CDH12: variants seen among roughly 807,000 people sequenced by gnomAD.
CDH12 encodes the protein cadherin 12, also known as cadherin-12.
In CDH12, 41 loss-of-function variants were observed where a neutral mutation model predicts 74.1. The ratio of observed to expected loss-of-function variants is 0.55; its 90% CI spans 0.43 to 0.72. The LOEUF is 0.72. Ranked by LOEUF, CDH12 falls within the 30% of genes least tolerant of loss-of-function variation. The probability of loss-of-function intolerance (pLI) is 0.00; values close to 1 mark genes in which losing one functional copy is unlikely to be tolerated. For missense variants in CDH12, 945 were observed against 977.2 expected, an observed-to-expected ratio of 0.97 and a Z score of 0.44; for synonymous variants, 399 against 355.0, an observed-to-expected ratio of 1.12 and a Z score of -1.39.
At chr5:22,573,354 AGT>A (rs910294691) in intron 1 of CDH12, among the ~76,000 whole-genome samples, 5 of 152,148 alleles carry the variant, frequency 3.3e-5, no homozygotes, top group African/African-American at 1.2e-4. Flanking sequence ...GTAAAACTTG[AGT>A]GTTGTGAGTT....
chr5:21,858,893 C>T (rs6878526), intron 6 of CDH12, among the ~76,000 whole-genome samples: 15,488 of 151,770 alleles, frequency 0.1, 1,461 homozygotes, highest in African/African-American at 0.26. Context: ...GTATAGAGCA[C>T]GTTTTGAAAT....
chr5:22,745,886 G>T (rs1028199318), intron 1 of CDH12, among the ~76,000 whole-genome samples: 1 of 151,872 alleles, frequency 6.6e-6, no homozygotes, highest in Non-Finnish European at 1.5e-5. Context: ...CTATGTAAAA[G>T]GCCTGCACGT....
At chr5:22,478,245 C>G (rs1746246902) in intron 2 of CDH12, among the ~76,000 whole-genome samples, 1 of 151,570 alleles carries the variant, frequency 6.6e-6, no homozygotes, top group South Asian at 2.1e-4. Flanking sequence ...CGTGAAACTC[C>G]GTCTCTACTA....
At chr5:22,410,333 C>T (rs968101141) in intron 2 of CDH12, among the ~76,000 whole-genome samples, 1 of 152,096 alleles carries the variant, frequency 6.6e-6, no homozygotes, top group Admixed American at 6.6e-5. Context: ...TGTGTAAAAA[C>T]TGGCCATAAA....
intron 5 of CDH12, among the ~76,000 whole-genome samples, chr5:22,066,475 C>T (rs890978705): frequency 7.2e-5 from 11 of 152,140 alleles, no homozygotes; most frequent in African/African-American, 2.7e-4. Context: ...TGCCAGTTAG[C>T]ATAAAGACTT....
intron 10 of CDH12, among the ~76,000 whole-genome samples, chr5:21,798,707 C>A (rs368059575): frequency 7.9e-5 from 12 of 152,092 alleles, no homozygotes; most frequent in African/African-American, 2.9e-4. Flanking sequence ...GATACAAAGA[C>A]ATGACTTTCT....
At chr5:22,724,765 G>T (rs1213337691) in intron 1 of CDH12, among the ~76,000 whole-genome samples, 8 of 151,708 alleles carry the variant, frequency 5.3e-5, no homozygotes, top group Non-Finnish European at 1.0e-4. Flanking sequence ...TATTATAACT[G>T]ATCTAATAAT....
chr5:21,889,421 C>A (rs1752795178), intron 6 of CDH12, among the ~76,000 whole-genome samples: 1 of 152,090 alleles, frequency 6.6e-6, no homozygotes, highest in South Asian at 2.1e-4. Context: ...CCTGTCACTG[C>A]CAGTTTTAGC....
intron 4 of CDH12, among the ~76,000 whole-genome samples, chr5:22,096,011 C>A (rs571780274): frequency 1.3e-5 from 2 of 151,794 alleles, no homozygotes; most frequent in Admixed American, 6.6e-5. Flanking sequence ...CCCTTTCCTG[C>A]TTTTCTGGAG....
At chr5:22,736,715 AACAC>A (rs570215184) in intron 1 of CDH12, among the ~76,000 whole-genome samples, 3 of 150,784 alleles carry the variant, frequency 2.0e-5, no homozygotes, top group Non-Finnish European at 4.4e-5. Flanking sequence ...TGAAAGTTTA[AACAC>A]ACACACACAC....
At chr5:22,284,131 TTC>T (rs749219113) in intron 3 of CDH12, among the ~76,000 whole-genome samples, 2 of 152,180 alleles carry the variant, frequency 1.3e-5, no homozygotes, top group Admixed American at 6.5e-5. Flanking sequence ...TATAAAAATA[TTC>T]TCTCTTTGCC....
chr5:22,123,149 G>T (rs1011059978), intron 4 of CDH12, among the ~76,000 whole-genome samples: 5 of 152,184 alleles, frequency 3.3e-5, no homozygotes, highest in African/African-American at 1.2e-4. Flanking sequence ...GGGGCTTGTG[G>T]TAGGTATAGG....
intron 5 of CDH12, among the ~76,000 whole-genome samples, chr5:22,013,970 T>C (rs1014771195): frequency 1.3e-5 from 2 of 152,178 alleles, no homozygotes; most frequent in African/African-American, 4.8e-5. Flanking sequence ...CTCACACCTG[T>C]AGTCCCAGCA....
chr5:22,653,576 C>A (rs565423570), intron 1 of CDH12, among the ~76,000 whole-genome samples: 1 of 152,282 alleles, frequency 6.6e-6, no homozygotes, highest in African/African-American at 2.4e-5. Context: ...ATCATACCTG[C>A]TGCATGCAAA....
At chr5:22,376,854 C>G (rs1741549238) in intron 3 of CDH12, among the ~76,000 whole-genome samples, 2 of 151,366 alleles carry the variant, frequency 1.3e-5, no homozygotes, top group South Asian at 4.2e-4. Context: ...TACATGTACC[C>G]CATAAGTATG....
intron 4 of CDH12, among the ~76,000 whole-genome samples, chr5:22,179,466 T>A (rs4627958): frequency 6.6e-6 from 1 of 152,084 alleles, no homozygotes; most frequent in South Asian, 2.1e-4. Flanking sequence ...TTGCTCATTA[T>A]CGTAAAGTTG....
intron 6 of CDH12, among the ~76,000 whole-genome samples, chr5:21,920,009 T>C (rs1754279061): frequency 6.6e-6 from 1 of 152,178 alleles, no homozygotes; most frequent in African/African-American, 2.4e-5. Context: ...TGAATATAAA[T>C]TACTCATTTT....
At chr5:22,107,483 T>TGTATATATACACATATAATTATTATAC (rs1744537161) in intron 4 of CDH12, among the ~76,000 whole-genome samples, 1 of 150,716 alleles carries the variant, frequency 6.6e-6, no homozygotes, top group Non-Finnish European at 1.5e-5. Context: ...TACATACGTA[T>TGTATATATACACATATAATTATTATAC]GTATATATAC....
At chr5:22,189,426 A>G (rs1459807620) in intron 4 of CDH12, among the ~76,000 whole-genome samples, 15 of 152,154 alleles carry the variant, frequency 9.9e-5, no homozygotes, top group Non-Finnish European at 1.9e-4. Flanking sequence ...CCTATAGAAT[A>G]TGGTCAAAAT....
Sources: allele counts gnomAD v4.1 joint callset (sites outside exome capture counted in the v4.1 genomes callset), GRCh38; gene constraint gnomAD v4.1.1; transcripts MANE v1.5; gene names NCBI Gene and HGNC (gene_info 2026-07-23, HGNC 2026-07-21).